NRG1: variants seen among roughly 807,000 people sequenced by gnomAD.
The protein encoded by NRG1 is pro-neuregulin-1, membrane-bound isoform.
Under a neutral mutation model 63.8 loss-of-function variants are expected in NRG1, and 18 were observed. That is an observed-to-expected ratio of 0.28 (90% CI 0.19 to 0.42). The LOEUF is 0.42. NRG1 is among the 10% of genes least tolerant of loss of function. NRG1 has a pLI of 1.00. For synonymous variants in NRG1, 302 were observed against 301.3 expected (o/e 1.00, Z -0.02); for missense variants, 762 against 814.7 (o/e 0.94, Z 0.79).
At chr8:31,952,498 G>A (rs551964822) in intron 1 of NRG1, among the ~76,000 whole-genome samples, 12 of 152,338 alleles carry the variant, frequency 7.9e-5, no homozygotes, top group African/African-American at 2.6e-4. Context: ...ACTAAGTTAG[G>A]AAAAGTACCA....
intron 1 of NRG1, among the ~76,000 whole-genome samples, chr8:32,399,566 G>A (rs1346035968): frequency 6.6e-6 from 1 of 152,136 alleles, no homozygotes; most frequent in Admixed American, 6.5e-5. Context: ...CTAGCCAGGT[G>A]TGGTGGCAAG....
chr8:32,690,839 T>C (rs189058882), intron 5 of NRG1, among the ~76,000 whole-genome samples: 166 of 152,160 alleles, frequency 1.1e-3, no homozygotes, highest in East Asian at 4.8e-3. Context: ...AAGGTGATTT[T>C]ATTTTATTTT....
intron 1 of NRG1, among the ~76,000 whole-genome samples, chr8:32,391,305 T>A (rs923837290): frequency 3.9e-5 from 6 of 152,142 alleles, no homozygotes; most frequent in East Asian, 1.9e-4. Flanking sequence ...TAGGGTTTTT[T>A]AAATTTTTCA....
intron 1 of NRG1, among the ~76,000 whole-genome samples, chr8:32,327,777 G>A (rs991110148): frequency 6.6e-6 from 1 of 152,208 alleles, no homozygotes; most frequent in Non-Finnish European, 1.5e-5. Flanking sequence ...AATGGGGCAG[G>A]AAGCCTTATT....
intron 1 of NRG1, among the ~76,000 whole-genome samples, chr8:31,916,386 G>C (rs1382893653): frequency 1.3e-5 from 2 of 152,082 alleles, no homozygotes; most frequent in African/African-American, 2.4e-5. Context: ...CCCAGAGTGT[G>C]ATGTTCCCCT....
At chr8:31,873,437 T>C (rs1225555109) in intron 1 of NRG1, among the ~76,000 whole-genome samples, 1 of 152,152 alleles carries the variant, frequency 6.6e-6, no homozygotes. Flanking sequence ...CGTGCGCCTA[T>C]AATCCCAGCA....
Position 32,663,340 on chromosome 8 carries a change from A to G in NRG1, c.502+46455A>G, listed in dbSNP as rs144298685. Among the ~76,000 whole-genome samples, 13 of 152,148 alleles carry G rather than the reference A, an allele frequency of 8.5e-5. No individual in the cohort carries two copies. In the East Asian group the frequency reaches 1.5e-3, roughly 18 times the overall value. On this transcript the variant is annotated intron_variant, in intron 5 of 11. Transcript: ENST00000356819. ...CCTCTAGGCTTTGACAGTATCCAGT[A>G]TTTTCCACCCGTTTCCCATGTACTC...
At chr8:31,830,803 G>A (rs1186226414) in intron 1 of NRG1, among the ~76,000 whole-genome samples, 2 of 152,054 alleles carry the variant, frequency 1.3e-5, no homozygotes, top group African/African-American at 4.8e-5. Context: ...GAACTTCTGA[G>A]CTTCAATGTG....
Position 31,725,989 on chromosome 8 carries a change from T to C in NRG1, c.37+86558T>C, listed in dbSNP as rs572973141. The stretch of plus-strand genomic sequence containing the variant: ...TTTATTGCCTTTATTTTAAACATAA[T>C]AGTGACAAAGTCTGAAACAATATTT... On this transcript the variant is annotated intron_variant, in intron 1 of 10. Coordinates refer to the NRG1 transcript ENST00000519301. Among the ~76,000 whole-genome samples the C allele has an allele frequency of 2.3e-3, 347 of 152,284 alleles. 1 individual carries two copies. The highest frequency in any genetic ancestry group is 8.1e-3 in the African/African-American group (338 of 41,552).
intron 5 of NRG1, chr8:32,722,083 G>T: frequency 7.0e-7 from 1 of 1,430,100 alleles, no homozygotes; most frequent in Non-Finnish European, 9.5e-7. Flanking sequence ...GTGACTAGCA[G>T]TTTAATATTC....
intron 1 of NRG1, among the ~76,000 whole-genome samples, chr8:32,197,014 C>A (rs1478515920): frequency 8.1e-6 from 1 of 123,138 alleles, no homozygotes; most frequent in Non-Finnish European, 1.6e-5. Context: ...GGCTGGAGTG[C>A]AGTGGCGCGA....
At chr8:32,397,977 T>G (rs559493341) in intron 1 of NRG1, among the ~76,000 whole-genome samples, 4 of 152,368 alleles carry the variant, frequency 2.6e-5, no homozygotes, top group African/African-American at 9.6e-5. Flanking sequence ...TTCTTATCAT[T>G]GTCCCTTCAT....
chr8:31,770,103 A>C (rs992289028), intron 1 of NRG1, among the ~76,000 whole-genome samples: 1 of 152,180 alleles, frequency 6.6e-6, no homozygotes, highest in African/African-American at 2.4e-5. Flanking sequence ...TCTTGTGAAC[A>C]CAGGGCAGCT....
chr8:32,104,183 T>A lies in NRG1; in HGVS notation c.37+464752T>A, dbSNP rs572307609. On this transcript the variant is annotated intron_variant, in intron 1 of 10. Transcript: ENST00000519301. ...CATACTAGGCTTATGTGGTCTAGCCTCTTACTCCTAGGCTACAAATCTGTA... is the reference window on the plus strand; with the variant it reads ...CATACTAGGCTTATGTGGTCTAGCCACTTACTCCTAGGCTACAAATCTGTA... Among the ~76,000 whole-genome samples the A allele has an allele frequency of 7.2e-5, 11 of 152,324 alleles. No homozygotes were observed. The South Asian group carries it at 1.2e-3, about 17-fold the overall frequency.
chr8:32,631,725 A>C (rs190178398), intron 5 of NRG1, among the ~76,000 whole-genome samples: 8 of 152,306 alleles, frequency 5.3e-5, no homozygotes, highest in Admixed American at 3.3e-4. Flanking sequence ...GATATAGAAA[A>C]AGAATATCTT....
upstream of NRG1, among the ~76,000 whole-genome samples, chr8:32,546,773 CAG>C (rs1267533491): frequency 6.6e-6 from 1 of 152,174 alleles, no homozygotes; most frequent in East Asian, 1.9e-4. Context: ...ACCCATTCAA[CAG>C]AGTTTCGTTC....
chr8:32,016,379 T>A (rs1439284414), intron 1 of NRG1, among the ~76,000 whole-genome samples: 1 of 152,064 alleles, frequency 6.6e-6, no homozygotes, highest in Non-Finnish European at 1.5e-5. Flanking sequence ...ACTTCTTAAT[T>A]CTGTCTGCAG....
chr8:32,590,255 G>A (rs1301575997), intron 1 of NRG1, among the ~76,000 whole-genome samples: 2 of 152,174 alleles, frequency 1.3e-5, no homozygotes, highest in South Asian at 4.1e-4. Context: ...ATGTGGATAT[G>A]TTTATATTAA....
chr8:31,830,344 T>C (rs1265252088), intron 1 of NRG1, among the ~76,000 whole-genome samples: 4 of 113,506 alleles, frequency 3.5e-5, no homozygotes, highest in African/African-American at 1.3e-4. Flanking sequence ...CTTCCTTCCT[T>C]CCTTCCTTCC....
Sources: allele counts gnomAD v4.1 joint callset (sites outside exome capture counted in the v4.1 genomes callset), GRCh38; gene constraint gnomAD v4.1.1; transcripts MANE v1.5; gene names NCBI Gene and HGNC (gene_info 2026-07-23, HGNC 2026-07-21).